LRMDA: variants seen among roughly 807,000 people sequenced by gnomAD.
LRMDA encodes leucine rich melanocyte differentiation associated, also known as leucine-rich melanocyte differentiation-associated protein.
LRMDA carries 18 observed loss-of-function variants against 29.8 expected under a neutral mutation model. The observed-to-expected ratio is 0.60, with a 90% CI of 0.42 to 0.90. The LOEUF is 0.90. Among genes scored for constraint, LRMDA ranks in the 40% least tolerant of loss-of-function variants. The pLI, the probability that LRMDA is intolerant of heterozygous loss-of-function variation, is 0.00. For missense variants in LRMDA, 273 were observed against 273.9 expected (o/e 1.00, Z 0.02); for synonymous variants, 125 against 109.4 (o/e 1.14, Z -0.89).
intron 6 of LRMDA, among the ~76,000 whole-genome samples, chr10:76,393,311 C>G (rs1015593096): frequency 5.9e-5 from 9 of 151,972 alleles, no homozygotes; most frequent in African/African-American, 2.2e-4. Flanking sequence ...TCCCTTTTTC[C>G]CACATCCTTA....
At chr10:76,534,575 T>A (rs1187984013) in intron 6 of LRMDA, among the ~76,000 whole-genome samples, 1 of 152,194 alleles carries the variant, frequency 6.6e-6, no homozygotes, top group Non-Finnish European at 1.5e-5. Flanking sequence ...GCCACTGAAA[T>A]TTTGGGACTT....
chr10:76,334,227 A>G (rs1475305925), intron 6 of LRMDA, among the ~76,000 whole-genome samples: 1 of 152,206 alleles, frequency 6.6e-6, no homozygotes, highest in Non-Finnish European at 1.5e-5. Flanking sequence ...CTTTTGGTCT[A>G]AATTGTTCAG....
intron 5 of LRMDA, among the ~76,000 whole-genome samples, chr10:76,210,378 G>T (rs1394945542): frequency 1.3e-5 from 2 of 152,148 alleles, no homozygotes; most frequent in African/African-American, 4.8e-5. Context: ...ACATAATTCA[G>T]CAGTTTACCC....
At chr10:75,756,814 C>T (rs1292807112) in intron 2 of LRMDA, among the ~76,000 whole-genome samples, 3 of 152,174 alleles carry the variant, frequency 2.0e-5, no homozygotes, top group African/African-American at 7.2e-5. Flanking sequence ...GACCTGGATT[C>T]CAACTTTGGT....
chr10:75,977,903 T>C (rs1847101855), intron 2 of LRMDA, among the ~76,000 whole-genome samples: 1 of 131,114 alleles, frequency 7.6e-6, no homozygotes, highest in Admixed American at 7.7e-5. Context: ...TGCCTCAGTT[T>C]CCGCATCTGT....
chr10:75,469,020 A>G (rs932156485), intron 2 of LRMDA, among the ~76,000 whole-genome samples: 8 of 152,126 alleles, frequency 5.3e-5, no homozygotes, highest in Admixed American at 2.0e-4. Flanking sequence ...TGCTTTCTGT[A>G]ACTTTCTGTG....
chr10:75,807,806 G>A (rs1024052571), intron 2 of LRMDA, among the ~76,000 whole-genome samples: 9 of 152,156 alleles, frequency 5.9e-5, no homozygotes, highest in African/African-American at 2.2e-4. Flanking sequence ...TCTAAATAGG[G>A]AGTGTGTAAA....
chr10:76,536,596 C>T, intron 6 of LRMDA, among the ~76,000 whole-genome samples: 1 of 152,128 alleles, frequency 6.6e-6, no homozygotes, highest in East Asian at 1.9e-4. Flanking sequence ...GAATGTCCCA[C>T]ATTCTGAATT....
intron 2 of LRMDA, among the ~76,000 whole-genome samples, chr10:75,541,503 C>T (rs891305758): frequency 6.6e-6 from 1 of 151,616 alleles, no homozygotes; most frequent in African/African-American, 2.4e-5. Context: ...GAAAATGGCC[C>T]CAGATCCCAC....
At chr10:76,096,747 A>G (rs566838738) in intron 5 of LRMDA, among the ~76,000 whole-genome samples, 23 of 152,244 alleles carry the variant, frequency 1.5e-4, no homozygotes, top group Admixed American at 5.2e-4. Flanking sequence ...ATCTCTCTCT[A>G]TTAATTTAGA....
intron 6 of LRMDA, among the ~76,000 whole-genome samples, chr10:76,543,286 T>C (rs1384794705): frequency 6.6e-6 from 1 of 150,642 alleles, no homozygotes; most frequent in Non-Finnish European, 1.5e-5. Context: ...GCCCCCATGA[T>C]TGGAGAATTT....
At chr10:75,448,860 G>C (rs1844424265) in intron 2 of LRMDA, among the ~76,000 whole-genome samples, 1 of 152,160 alleles carries the variant, frequency 6.6e-6, no homozygotes, top group Admixed American at 6.6e-5. Flanking sequence ...GACATCAGAA[G>C]TCATGTTTAG....
intron 5 of LRMDA, among the ~76,000 whole-genome samples, chr10:76,236,214 A>G (rs1323181500): frequency 6.6e-6 from 1 of 152,150 alleles, no homozygotes; most frequent in Non-Finnish European, 1.5e-5. Context: ...TCTGGACAGA[A>G]ATGTAGTTAT....
chr10:76,443,665 C>T (rs184398711), intron 6 of LRMDA, among the ~76,000 whole-genome samples: 1 of 152,270 alleles, frequency 6.6e-6, no homozygotes, highest in East Asian at 1.9e-4. Flanking sequence ...AGCCTTGTTC[C>T]CTCTAGACAT....
chr10:76,102,662 GTTTGT>G, intron 5 of LRMDA, among the ~76,000 whole-genome samples: 1 of 151,818 alleles, frequency 6.6e-6, no homozygotes, highest in African/African-American at 2.4e-5. Flanking sequence ...TTTTTTGTTT[GTTTGT>G]TTTGAGACAG....
chr10:76,166,589 G>T (rs1380950457), intron 5 of LRMDA, among the ~76,000 whole-genome samples: 1 of 152,156 alleles, frequency 6.6e-6, no homozygotes, highest in East Asian at 1.9e-4. Flanking sequence ...CTGTTCCTGT[G>T]TTAGTTTGCT....
At chr10:75,989,898 G>A (rs1005844722) in intron 2 of LRMDA, among the ~76,000 whole-genome samples, 1 of 152,184 alleles carries the variant, frequency 6.6e-6, no homozygotes, top group African/African-American at 2.4e-5. Flanking sequence ...GTAGGCTGAA[G>A]TTAGGAGACC....
intron 2 of LRMDA, among the ~76,000 whole-genome samples, chr10:75,675,277 C>T (rs1027117234): frequency 6.6e-6 from 1 of 152,176 alleles, no homozygotes; most frequent in Non-Finnish European, 1.5e-5. Context: ...TTACTAATTG[C>T]TCTTCTCTGT....
chr10:76,357,132 C>T (rs1007208311), intron 6 of LRMDA, among the ~76,000 whole-genome samples: 2 of 152,198 alleles, frequency 1.3e-5, no homozygotes, highest in Non-Finnish European at 2.9e-5. Context: ...CAACCCTGCT[C>T]CTCTGTGAAG....
Sources: gnomAD v4.1 joint callset for allele counts (sites outside exome capture counted in the v4.1 genomes callset) on GRCh38, gnomAD v4.1.1 for gene constraint, MANE v1.5 for transcripts, NCBI Gene and HGNC (gene_info 2026-07-23, HGNC 2026-07-21) for gene names.